UBR3: variants seen among roughly 807,000 people sequenced by gnomAD.
UBR3 encodes E3 ubiquitin-protein ligase UBR3.
A neutral mutation model predicts 243.2 loss-of-function variants in UBR3; 85 were observed. The ratio of observed to expected loss-of-function variants is 0.35; its 90% CI spans 0.29 to 0.42. The LOEUF is 0.42. Among genes scored for constraint, UBR3 ranks in the 10% least tolerant of loss-of-function variants. UBR3 has a pLI of 1.00. For synonymous variants in UBR3, 748 were observed against 799.8 expected (o/e 0.94, Z 1.09); for missense variants, 1,686 against 2,300.8 (o/e 0.73, Z 5.47).
rs974877848 is a variant in UBR3 at position 169,946,465 on chromosome 2, C to A, written c.2910+73C>A. On this transcript the variant is annotated intron_variant, in intron 21 of 38. Coordinates refer to ENST00000272793, the MANE Select transcript of UBR3 (RefSeq NM_172070.4). ...TGGCTCCAACCAATTGTTGCCAAAC[C>A]AGGCATGTTATACTTTTCCTAGTTA... 3 of 707,722 alleles carry A rather than the reference C, an allele frequency of 4.2e-6. No individual in the cohort carries two copies. In the African/African-American group the frequency reaches 5.6e-5, roughly 13 times the overall value. The allele number at this position is 707,722 out of a possible 1,614,324, so 43.8% of individuals were successfully genotyped here. A position where few individuals can be genotyped will look rare whatever the true frequency, so the allele number is the denominator to read the frequency against.
intron 35 of UBR3, among the ~76,000 whole-genome samples, chr2:170,067,002 T>C (rs1214038410): frequency 6.6e-6 from 1 of 150,402 alleles, no homozygotes; most frequent in Non-Finnish European, 1.5e-5. Context: ...ATAAACTTCA[T>C]TATAACTGAG....
At chr2:169,843,970 T>C (rs1201432575) in intron 1 of UBR3, among the ~76,000 whole-genome samples, 2 of 152,036 alleles carry the variant, frequency 1.3e-5, no homozygotes, top group Non-Finnish European at 2.9e-5. Context: ...TTGAATAAGG[T>C]TTTAACATAC....
intron 24 of UBR3, among the ~76,000 whole-genome samples, chr2:169,960,577 GT>G (rs1048827533): frequency 5.3e-5 from 8 of 151,426 alleles, no homozygotes; most frequent in Non-Finnish European, 8.8e-5. Context: ...TTATATTTTT[GT>G]TTTTTTACAT....
intron 1 of UBR3, among the ~76,000 whole-genome samples, chr2:169,857,062 ATGTTT>A (rs763084524): frequency 8.1e-4 from 23 of 28,466 alleles, no homozygotes; most frequent in African/African-American, 2.0e-3. Context: ...TAATTTTATT[ATGTTT>A]TTTTTTTTTT....
At chr2:169,933,935 C>G (rs2086231707) in intron 19 of UBR3, among the ~76,000 whole-genome samples, 1 of 152,186 alleles carries the variant, frequency 6.6e-6, no homozygotes, top group African/African-American at 2.4e-5. Context: ...ATCTCTCTCT[C>G]CGTTTCTCTA....
chr2:169,936,685 C>T lies in UBR3; in HGVS notation c.2663+3677C>T, dbSNP rs549886635. Among the ~76,000 whole-genome samples the T allele has an allele frequency of 7.0e-3, 1,067 of 152,120 alleles. 8 individuals are homozygous for T. The highest frequency in any genetic ancestry group is 0.013 in the South Asian group (61 of 4,806). ...ATCCCTCCCCACTCCCCCCACCCCA[C>T]AACAGGGCCCGGTGTGTGATGTTCC... On this transcript the variant is annotated intron_variant, in intron 19 of 38. Coordinates refer to ENST00000272793, the MANE Select transcript of UBR3 (RefSeq NM_172070.4).
At position 169,827,666 on chromosome 2, in the gene UBR3, G is replaced by T; in HGVS notation, c.159G>T (p.Ala53=). 8.2e-7 allele frequency: 1 copy of T among 1,226,944 alleles called. No individual in the cohort carries two copies. Among genetic ancestry groups the T allele is most frequent in the South Asian group, 3.7e-5 (1 of 26,792 alleles). The allele number at this position is 1,226,944 out of a possible 1,614,324, so 76.0% of individuals were successfully genotyped here. A position where few individuals can be genotyped will look rare whatever the true frequency, so the allele number is the denominator to read the frequency against. ...DNRAGAEELQ[A]LLERVLSAER... is the part of the protein sequence containing the mutation. Reference sequence around the variant, plus strand: ...GCGCAGGTGCTGAGGAGCTGCAGGCGCTGCTGGAGCGGGTGCTGAGCGCCG... The same window carrying T: ...GCGCAGGTGCTGAGGAGCTGCAGGCTCTGCTGGAGCGGGTGCTGAGCGCCG... Residue 53 remains alanine, a synonymous_variant, in exon 1 of 39, where the codon GCG becomes GCT. Transcript: ENST00000272793.
rs1558998986 is a variant in UBR3, at chr2:169,836,061, A to AT, written c.545+8010dup. Among the ~76,000 whole-genome samples the AT allele has an allele frequency of 1.1e-3, 39 of 33,988 alleles. 7 individuals are homozygous for AT. Among genetic ancestry groups the AT allele is most frequent in the Middle Eastern group, 0.017 (1 of 60 alleles). 22.3% of individuals were successfully genotyped at this position (33,988 alleles called of 152,430 possible). On this transcript the variant is annotated intron_variant, in intron 1 of 38. Coordinates refer to ENST00000272793, the MANE Select transcript of UBR3 (RefSeq NM_172070.4). ...TCTCTCTCTATATATATATATATATATATATATTTTTTTTTTTTTTTTTTT... is the reference window on the plus strand; with the variant it reads ...TCTCTCTCTATATATATATATATATATTATATATTTTTTTTTTTTTTTTTTT...
At position 170,001,962 on chromosome 2, in the gene UBR3, C is replaced by T. The variant is rs1272693002; in HGVS notation, c.4029+548C>T. Among the ~76,000 whole-genome samples, 4 of 126,048 alleles carry T rather than the reference C, an allele frequency of 3.2e-5. No homozygotes were observed. In the South Asian group the frequency reaches 1.1e-3, roughly 34 times the overall value. 82.7% of individuals were successfully genotyped at this position (126,048 alleles called of 152,430 possible). On this transcript the variant is annotated intron_variant, in intron 27 of 38. Transcript: ENST00000272793. Reference sequence around the variant, plus strand: ...AAAAAAGAAAGAAAAATTTTTTTCACTTTAGCAACTGACTTTCATGGCTGC... The same window carrying T: ...AAAAAAGAAAGAAAAATTTTTTTCATTTTAGCAACTGACTTTCATGGCTGC...
intron 24 of UBR3, among the ~76,000 whole-genome samples, chr2:169,979,026 G>A (rs998729915): frequency 6.6e-6 from 1 of 152,150 alleles, no homozygotes; most frequent in Non-Finnish European, 1.5e-5. Flanking sequence ...TCTGATAAAG[G>A]ACTGGTATTC....
At chr2:169,882,022 A>G (rs1391986016) in intron 5 of UBR3, among the ~76,000 whole-genome samples, 2 of 126,262 alleles carry the variant, frequency 1.6e-5, no homozygotes, top group Non-Finnish European at 3.1e-5. Context: ...TATGTATTAT[A>G]TATTATACAT....
chr2:170,001,213 A>G (rs2105399774), intron 26 of UBR3, 91 bp from the exon 27 acceptor site: 1 of 865,556 alleles, frequency 1.2e-6, no homozygotes, highest in Non-Finnish European at 1.8e-6. Flanking sequence ...AAAATAGGAA[A>G]TCATGCAGAG....
At chr2:169,870,419 A>G (rs1226524729) in intron 1 of UBR3, among the ~76,000 whole-genome samples, 1 of 151,376 alleles carries the variant, frequency 6.6e-6, no homozygotes, top group Non-Finnish European at 1.5e-5. Context: ...ATGAGCCACC[A>G]TGTCCGGCCC....
At chr2:169,896,864 T>C (rs1305359738) in intron 8 of UBR3, 129 bp downstream of exon 8, 1 of 625,448 alleles carries the variant, frequency 1.6e-6, no homozygotes, top group Non-Finnish European at 2.4e-6. Context: ...ATTCTAGTAT[T>C]AGTGAACTTT....
intron 11 of UBR3, among the ~76,000 whole-genome samples, chr2:169,922,136 A>G (rs1159642174): frequency 6.6e-6 from 1 of 151,746 alleles, no homozygotes. Flanking sequence ...AAAAACAGAA[A>G]TTAGCCAGGC....
chr2:170,051,703 A>G (rs1269355305), intron 32 of UBR3, among the ~76,000 whole-genome samples: 4 of 152,334 alleles, frequency 2.6e-5, no homozygotes, highest in East Asian at 1.9e-4. Context: ...AGAAGAAGCT[A>G]TATGTCAGTG....
intron 5 of UBR3, among the ~76,000 whole-genome samples, chr2:169,880,624 G>A (rs755906902): frequency 3.9e-5 from 6 of 152,106 alleles, no homozygotes; most frequent in Admixed American, 6.6e-5. Flanking sequence ...GTGTGTGCAC[G>A]TGTGTGTGTA....
At chr2:169,854,543 AG>A (rs2082769878) in intron 1 of UBR3, among the ~76,000 whole-genome samples, 1 of 152,142 alleles carries the variant, frequency 6.6e-6, no homozygotes, top group Non-Finnish European at 1.5e-5. Flanking sequence ...ATTTTAACTT[AG>A]ATTAAGAGTT....
At chr2:170,047,802 C>T (rs1373033957) in intron 32 of UBR3, among the ~76,000 whole-genome samples, 1 of 152,180 alleles carries the variant, frequency 6.6e-6, no homozygotes, top group Non-Finnish European at 1.5e-5. Flanking sequence ...GCTGTCTTGT[C>T]CCTTTCTCCC....
Sources: gnomAD v4.1 joint callset for allele counts (sites outside exome capture counted in the v4.1 genomes callset) on GRCh38, gnomAD v4.1.1 for gene constraint, MANE v1.5 for transcripts, NCBI Gene and HGNC (gene_info 2026-07-23, HGNC 2026-07-21) for gene names.